Variants in NIBAN1 observed in about 807,000 individuals in gnomAD.
NIBAN1 encodes the protein protein Niban 1.
Under a neutral mutation model 75.1 loss-of-function variants are expected in NIBAN1, and 81 were observed. The ratio of observed to expected loss-of-function variants is 1.08; its 90% CI spans 0.90 to 1.30. NIBAN1 has a LOEUF of 1.30. NIBAN1 is among the 50% of genes most tolerant of loss of function. The pLI, the probability that NIBAN1 is intolerant of heterozygous loss-of-function variation, is 0.00. For synonymous variants in NIBAN1, 436 were observed against 424.8 expected (o/e 1.03, Z -0.32); for missense variants, 1,133 against 1,128.1 (o/e 1.00, Z -0.06).
At chr1:184,863,462 G>A (rs1281038575) in intron 5 of NIBAN1, among the ~76,000 whole-genome samples, 1 of 152,012 alleles carries the variant, frequency 6.6e-6, no homozygotes, top group Non-Finnish European at 1.5e-5. Context: ...TTGTTTGTTT[G>A]TTTATGTATT....
intron 1 of NIBAN1, among the ~76,000 whole-genome samples, chr1:184,936,430 G>T (rs1409773031): frequency 6.6e-6 from 1 of 152,180 alleles, no homozygotes; most frequent in Non-Finnish European, 1.5e-5. Flanking sequence ...TTGCCTCCTG[G>T]TGAGTTTTCT....
intron 1 of NIBAN1, among the ~76,000 whole-genome samples, chr1:184,935,019 G>A (rs946225591): frequency 5.3e-5 from 8 of 152,314 alleles, no homozygotes; most frequent in Admixed American, 1.3e-4. Flanking sequence ...GCAATGAGCC[G>A]TGGTCACACC....
intron 5 of NIBAN1, among the ~76,000 whole-genome samples, chr1:184,839,573 G>A (rs1213555256): frequency 2.7e-5 from 4 of 150,360 alleles, no homozygotes; most frequent in Non-Finnish European, 5.9e-5. Context: ...GTGCACGCGC[G>A]CGTGTGTGTG....
intron 5 of NIBAN1, among the ~76,000 whole-genome samples, chr1:184,860,327 A>G (rs1312471079): frequency 1.3e-5 from 2 of 152,258 alleles, no homozygotes; most frequent in East Asian, 1.9e-4. Flanking sequence ...CCAGAGTAAA[A>G]CAAAAATTAA....
chr1:184,962,366 A>G (rs1658671421), intron 1 of NIBAN1, among the ~76,000 whole-genome samples: 1 of 152,168 alleles, frequency 6.6e-6, no homozygotes, highest in Non-Finnish European at 1.5e-5. Flanking sequence ...TGTATATTTA[A>G]TTCTATCATT....
At chr1:184,798,040 C>T in intron 13 of NIBAN1, 39 bp downstream of exon 13, 1 of 1,404,614 alleles carries the variant, frequency 7.1e-7, no homozygotes, top group East Asian at 2.3e-5. Flanking sequence ...ATGCTCCCCT[C>T]TATGGAGTGT....
chr1:184,916,866 C>T (rs1054002880), intron 1 of NIBAN1, among the ~76,000 whole-genome samples: 5 of 152,156 alleles, frequency 3.3e-5, no homozygotes, highest in African/African-American at 7.2e-5. Context: ...TTGCCCCTCC[C>T]GATTTCCCTA....
intron 1 of NIBAN1, among the ~76,000 whole-genome samples, chr1:184,915,194 G>C (rs1657352516): frequency 6.6e-6 from 1 of 152,172 alleles, no homozygotes; most frequent in Non-Finnish European, 1.5e-5. Flanking sequence ...ATAAAAAGTA[G>C]AAAATTCCAT....
intron 5 of NIBAN1, among the ~76,000 whole-genome samples, chr1:184,879,535 T>A (rs1215020823): frequency 2.0e-5 from 3 of 152,008 alleles, no homozygotes; most frequent in Non-Finnish European, 4.4e-5. Context: ...CAGGAAGCAA[T>A]AAGCTGGGGA....
At chr1:184,919,843 AC>A (rs1293007193) in intron 1 of NIBAN1, among the ~76,000 whole-genome samples, 3 of 151,574 alleles carry the variant, frequency 2.0e-5, no homozygotes, top group Non-Finnish European at 4.4e-5. Context: ...TCTCCAGATA[AC>A]AAAAAAAAAT....
chr1:184,884,666 G>C lies in NIBAN1; in HGVS notation c.568C>G (p.Leu190Val), dbSNP rs749102793. 6.2e-7 allele frequency: 1 copy of C among 1,614,166 alleles called. No homozygotes were observed. The highest frequency in any genetic ancestry group is 1.7e-5 in the Admixed American group (1 of 60,030). The stretch of plus-strand genomic sequence containing the variant: ...AGATGCCTGACGCAGTCACTCAGGA[G>C]GGCACTAAACCTCTTCTGGTCAGCA... The part of the protein sequence containing the change: ...EAADQKRFSA[L>V]LSDCVRHLNH... The change falls in exon 5 of 14, where the codon CTC becomes GTC. Residue 190 changes from leucine (L) to valine (V), a missense_variant. Physicochemically the swap from Leu to Val is conservative, Grantham distance 32. Coordinates refer to ENST00000367511, the MANE Select transcript of NIBAN1 (RefSeq NM_052966.4).
intron 5 of NIBAN1, among the ~76,000 whole-genome samples, chr1:184,837,181 A>G (rs1655165163): frequency 6.6e-6 from 1 of 152,228 alleles, no homozygotes; most frequent in Admixed American, 6.5e-5. Context: ...CAGGTTCACA[A>G]TCACCTACTC....
intron 5 of NIBAN1, among the ~76,000 whole-genome samples, chr1:184,833,822 T>G (rs183069589): frequency 3.3e-5 from 5 of 151,918 alleles, no homozygotes; most frequent in African/African-American, 1.2e-4. Flanking sequence ...AAAAAGAGCA[T>G]GTTTCAAGAA....
intron 5 of NIBAN1, among the ~76,000 whole-genome samples, chr1:184,832,359 C>T (rs1300841614): frequency 1.3e-5 from 2 of 152,174 alleles, no homozygotes; most frequent in Non-Finnish European, 1.5e-5. Context: ...TCCAGTTTCC[C>T]AACAAAACAA....
In NIBAN1 at chr1:184,794,678, C is replaced by T. The variant is rs950770514; in HGVS notation, c.*299G>A. On this transcript the variant is annotated 3_prime_UTR_variant, in exon 14 of 14. Transcript: ENST00000367511. Reference sequence around the variant, plus strand: ...CAAAACTGTCATCCTACTGTTTTCTCAGTCTTCCCTGCAATACTATTCCCT... The same window carrying T: ...CAAAACTGTCATCCTACTGTTTTCTTAGTCTTCCCTGCAATACTATTCCCT... 4.2e-6 allele frequency: 2 copies of T among 480,720 alleles called. No individual in the cohort carries two copies. Among genetic ancestry groups the T allele is most frequent in the Non-Finnish European group, 3.8e-6 (1 of 263,848 alleles). 29.8% of individuals were successfully genotyped at this position (480,720 alleles called of 1,614,324 possible). A position where few individuals can be genotyped will look rare whatever the true frequency, so the allele number is the denominator to read the frequency against.
At chr1:184,916,949 T>C (rs1392952678) in intron 1 of NIBAN1, among the ~76,000 whole-genome samples, 1 of 152,162 alleles carries the variant, frequency 6.6e-6, no homozygotes, top group Non-Finnish European at 1.5e-5. Context: ...GTTGATTCAC[T>C]AACACCAGTC....
chr1:184,939,193 A>G (rs116470953), intron 1 of NIBAN1, among the ~76,000 whole-genome samples: 376 of 152,372 alleles, frequency 2.5e-3, no homozygotes, highest in African/African-American at 8.6e-3. Context: ...GGTGAGATAC[A>G]GCATATTTAG....
chr1:184,908,749 G>A (rs73050678), intron 1 of NIBAN1, among the ~76,000 whole-genome samples: 12,716 of 152,046 alleles, frequency 0.084, 1,771 homozygotes, highest in African/African-American at 0.29. Context: ...CTCACAGCAC[G>A]CCTCCAATTT....
At chr1:184,853,759 A>C (rs1557888123) in intron 5 of NIBAN1, among the ~76,000 whole-genome samples, 1 of 152,138 alleles carries the variant, frequency 6.6e-6, no homozygotes, top group Admixed American at 6.5e-5. Context: ...ATGTGCATAC[A>C]CACAAACACA....
Sources: gnomAD v4.1 joint callset for allele counts (sites outside exome capture counted in the v4.1 genomes callset) on GRCh38, gnomAD v4.1.1 for gene constraint, MANE v1.5 for transcripts, NCBI Gene and HGNC (gene_info 2026-07-23, HGNC 2026-07-21) for gene names.